The following TMEM98 variants were observed in gnomAD, a reference collection of about 807,000 sequenced individuals.
TMEM98 encodes transmembrane protein 98.
A neutral mutation model predicts 25.0 loss-of-function variants in TMEM98; 18 were observed. The observed-to-expected ratio is 0.72, with a 90% CI of 0.50 to 1.07. TMEM98 has a LOEUF of 1.07. Among genes scored for constraint, TMEM98 ranks in the 50% least tolerant of loss-of-function variants. TMEM98 has a pLI of 0.00. For synonymous variants in TMEM98, 103 were observed against 112.4 expected, an observed-to-expected ratio of 0.92 and a Z score of 0.53; for missense variants, 241 against 289.0, an observed-to-expected ratio of 0.83 and a Z score of 1.20.
Position 32,940,925 on chromosome 17 carries a change from C to T in TMEM98, c.613C>T (p.Leu205=), listed in dbSNP as rs754558933. The T allele has an allele frequency of 2.2e-5, 35 of 1,614,022 alleles. No homozygotes were observed. The highest frequency in any genetic ancestry group is 6.7e-5 in the African/African-American group (5 of 74,942). ...EHLEVLREAA[L]ASEPDKGLPG... is the part of the protein sequence containing the mutation. Reference sequence around the variant, plus strand: ...TTTGGAAGTCCTTCGAGAAGCAGCCCTAGCTTCTGAGCCAGATAAAGGCCT... The same window carrying T: ...TTTGGAAGTCCTTCGAGAAGCAGCCTTAGCTTCTGAGCCAGATAAAGGCCT... Residue 205 remains leucine, a synonymous_variant, in exon 8 of 8, where the codon CTA becomes TTA. Coordinates refer to ENST00000579849, the MANE Select transcript of TMEM98 (RefSeq NM_015544.3).
At position 32,939,545 on chromosome 17, in the gene TMEM98, A is replaced by G; in HGVS notation, c.473+9A>G. ...AAACTCCTGGACGCACGGTGAGACC[A>G]GGGGTGGGTGCATGTTCGGTTTTTC... On this transcript the variant is annotated intron_variant, in intron 7 of 7. Coordinates refer to ENST00000579849, the MANE Select transcript of TMEM98 (RefSeq NM_015544.3). 6.2e-7 allele frequency: 1 copy of G among 1,614,056 alleles called. No homozygotes were observed. The highest frequency in any genetic ancestry group is 8.5e-7 in the Non-Finnish European group (1 of 1,179,928).
chr17:32,933,135 C>T, intron 3 of TMEM98, 39 bp from the exon 4 acceptor site: 1 of 1,611,214 alleles, frequency 6.2e-7, no homozygotes, highest in Non-Finnish European at 8.5e-7. Context: ...GCAGCGGTCA[C>T]CCACCATGAA....
rs2091538669 is a variant in TMEM98, at chr17:32,943,073, A to G, written c.*2080A>G. The G allele has an allele frequency of 1.3e-5, 2 of 152,204 alleles. No individual in the cohort carries two copies. The highest frequency in any genetic ancestry group is 4.1e-4 in the South Asian group (2 of 4,826). 9.4% of individuals were successfully genotyped at this position (152,204 alleles called of 1,614,324 possible). ...ACCCCTGAAGCAATGCCCAATGTCG[A>G]TTACCTTCTCTGAGTCCTGGCAAGT... is the stretch of plus-strand genomic sequence containing the variant. On this transcript the variant is annotated 3_prime_UTR_variant, in exon 8 of 8. Transcript: ENST00000579849.
intron 1 of TMEM98, chr17:32,930,996 A>G (rs1052855123): frequency 6.6e-6 from 1 of 152,508 alleles, no homozygotes; most frequent in African/African-American, 2.4e-5. Context: ...TGAGGTCAGG[A>G]GTTCAAGACC....
At chr17:32,931,722 C>T in intron 3 of TMEM98, 63 bp downstream of exon 3, 6 of 1,552,386 alleles carry the variant, frequency 3.9e-6, no homozygotes, top group Non-Finnish European at 5.2e-6. Flanking sequence ...AAGAGAGGAA[C>T]ACGTAGTTCA....
intron 5 of TMEM98, among the ~76,000 whole-genome samples, chr17:32,935,810 C>T (rs2091493031): frequency 6.6e-6 from 1 of 152,184 alleles, no homozygotes; most frequent in Non-Finnish European, 1.5e-5. Flanking sequence ...CTTTTCCCTG[C>T]TTTTCCTAAG....
chr17:32,941,602 C>G lies in TMEM98; in HGVS notation c.*609C>G, dbSNP rs893595461. ...TTTATCTTTATGCCTGCAATTTTAC[C>G]TAGCTACCACTAGGTGGATAGTAAA... On this transcript the variant is annotated 3_prime_UTR_variant, in exon 8 of 8. Transcript: ENST00000579849. 6.6e-6 allele frequency: 1 copy of G among 152,170 alleles called. No homozygotes were observed. The allele number at this position is 152,170 out of a possible 1,614,324, so 9.4% of individuals were successfully genotyped here.
chr17:32,934,221 G>A, intron 4 of TMEM98, 70 bp from the exon 5 acceptor site: 2 of 1,580,766 alleles, frequency 1.3e-6, no homozygotes, highest in East Asian at 2.2e-5. Flanking sequence ...AAGTTGAGAA[G>A]CAAGGGTGGG....
intron 6 of TMEM98, among the ~76,000 whole-genome samples, chr17:32,936,871 T>C (rs1400298239): frequency 1.3e-5 from 2 of 152,198 alleles, no homozygotes; most frequent in Non-Finnish European, 2.9e-5. Context: ...GGGGACCCAC[T>C]CTGGCTGTGC....
chr17:32,930,181 T>A (rs555196061), intron 1 of TMEM98, among the ~76,000 whole-genome samples: 1 of 152,168 alleles, frequency 6.6e-6, no homozygotes, highest in South Asian at 2.1e-4. Context: ...GGAGAATGCT[T>A]GCACAAAGAG....
At chr17:32,932,259 C>A (rs2151111390) in intron 3 of TMEM98, among the ~76,000 whole-genome samples, 1 of 152,182 alleles carries the variant, frequency 6.6e-6, no homozygotes, top group Admixed American at 6.5e-5. Flanking sequence ...CACCACCACG[C>A]CCAGCTAATT....
chr17:32,931,381 C>G lies in TMEM98; in HGVS notation c.-76C>G. The G allele has an allele frequency of 1.8e-6, 2 of 1,096,686 alleles. No individual in the cohort carries two copies. Among genetic ancestry groups the G allele is most frequent in the Non-Finnish European group, 1.3e-6 (1 of 788,174 alleles). The allele number at this position is 1,096,686 out of a possible 1,614,324, so 67.9% of individuals were successfully genotyped here. A position where few individuals can be genotyped will look rare whatever the true frequency, so the allele number is the denominator to read the frequency against. On this transcript the variant is annotated 5_prime_UTR_variant, in exon 2 of 8. Transcript: ENST00000579849. The stretch of plus-strand genomic sequence containing the variant: ...GAACCTAGCACCTGCCATCCTCTTC[C>G]CCAATTTGCCACTTCCAGCAGGTAA...
In TMEM98 at chr17:32,932,996, A is replaced by G. The variant is rs2091477763; in HGVS notation, c.132-178A>G. On this transcript the variant is annotated intron_variant, in intron 3 of 7. Transcript: ENST00000579849. Reference sequence around the variant, plus strand: ...TGCCTCCCCAACTCCCTGTCTAGCCATGTGCCCTGCCCTCAGCTGCAGCCC... The same window carrying G: ...TGCCTCCCCAACTCCCTGTCTAGCCGTGTGCCCTGCCCTCAGCTGCAGCCC... Among the ~76,000 whole-genome samples the G allele has an allele frequency of 2.0e-5, 3 of 152,098 alleles. No individual in the cohort carries two copies. In the South Asian group the frequency reaches 6.2e-4, roughly 32 times the overall value.
intron 6 of TMEM98, among the ~76,000 whole-genome samples, chr17:32,937,959 C>T (rs29003): frequency 6.6e-6 from 1 of 152,136 alleles, no homozygotes; most frequent in Non-Finnish European, 1.5e-5. Context: ...GCTTTTTGTG[C>T]CTTCTAAGAG....
In TMEM98 at chr17:32,931,312, C is replaced by A; in HGVS notation, c.-130-15C>A. On this transcript the variant is annotated splice_polypyrimidine_tract_variant and intron_variant, in intron 1 of 7. Coordinates refer to ENST00000579849, the MANE Select transcript of TMEM98 (RefSeq NM_015544.3). Reference sequence around the variant, plus strand: ...ATTTGGGGCATGGCATAAATTTTACCTTGGTTCTCTTCAGGCCCTCAGGTC... The same window carrying A: ...ATTTGGGGCATGGCATAAATTTTACATTGGTTCTCTTCAGGCCCTCAGGTC... 2.1e-6 allele frequency: 1 copy of A among 481,310 alleles called. No homozygotes were observed. The highest frequency in any genetic ancestry group is 2.0e-5 in the African/African-American group (1 of 50,230). The allele number at this position is 481,310 out of a possible 1,614,324, so 29.8% of individuals were successfully genotyped here.
chr17:32,939,409 GAAAA>G, intron 6 of TMEM98, 64 bp from the exon 7 acceptor site: 8 of 1,281,012 alleles, frequency 6.2e-6, no homozygotes, highest in East Asian at 5.8e-5. Context: ...TCTGTCTCAG[GAAAA>G]AAAAAAAAAG....
In TMEM98 at chr17:32,931,472, AAGCTTT is replaced by A; in HGVS notation, c.-53_-48del. 1.3e-6 allele frequency: 2 copies of A among 1,578,752 alleles called. No homozygotes were observed. Among genetic ancestry groups the A allele is most frequent in the Non-Finnish European group, 8.6e-7 (1 of 1,161,536 alleles). ...ATCTGCTCTGACTTCATGTTCTCTC[AAGCTTT>A]AGCCCATGAGGAGGATGTGACCGGG... On this transcript the variant is annotated splice_acceptor_variant and 5_prime_UTR_variant, in exon 3 of 8. Coordinates refer to ENST00000579849, the MANE Select transcript of TMEM98 (RefSeq NM_015544.3). LOFTEE classifies it low-confidence loss of function (5UTR_SPLICE).
At chr17:32,935,922 C>T (rs2091493575) in intron 5 of TMEM98, among the ~76,000 whole-genome samples, 1 of 152,082 alleles carries the variant, frequency 6.6e-6, no homozygotes, top group Non-Finnish European at 1.5e-5. Context: ...GAACAATTGC[C>T]CTTTGTTCAG....
chr17:32,932,281 A>G (rs1393677733), intron 3 of TMEM98, among the ~76,000 whole-genome samples: 1 of 151,754 alleles, frequency 6.6e-6, no homozygotes, highest in Non-Finnish European at 1.5e-5. Context: ...TTGTATTTTT[A>G]GTAGAGACGG....
Sources: gnomAD v4.1 joint callset for allele counts (sites outside exome capture counted in the v4.1 genomes callset) on GRCh38, gnomAD v4.1.1 for gene constraint, MANE v1.5 for transcripts, NCBI Gene and HGNC (gene_info 2026-07-23, HGNC 2026-07-21) for gene names.